Variants in CSMD1 observed in about 807,000 individuals in gnomAD.
CSMD1 encodes the protein CUB and Sushi multiple domains 1.
In CSMD1, 213 loss-of-function variants were observed where a neutral mutation model predicts 417.5. The observed-to-expected ratio is 0.51, with a 90% confidence interval of 0.46 to 0.57. The LOEUF (loss-of-function observed/expected upper bound fraction) is 0.57. Among genes scored for constraint, CSMD1 ranks in the 20% least tolerant of loss-of-function variants. The pLI is 0.00. For missense variants in CSMD1, 6,923 were observed against 4,529.7 expected, an observed-to-expected ratio of 1.53 and a Z score of -15.17; for synonymous variants, 2,862 against 1,736.8, an observed-to-expected ratio of 1.65 and a Z score of -16.11.
chr8:3,851,187 G>C (rs908310365), intron 5 of CSMD1, among the ~76,000 whole-genome samples: 1 of 152,166 alleles, frequency 6.6e-6, no homozygotes, highest in African/African-American at 2.4e-5. Context: ...AGTTTTCAAA[G>C]CATGAGCCTG....
chr8:4,990,557 G>C (rs1044108938), intron 1 of CSMD1, among the ~76,000 whole-genome samples: 1 of 152,068 alleles, frequency 6.6e-6, no homozygotes, highest in African/African-American at 2.4e-5. Flanking sequence ...TAGAGATGGG[G>C]TTTCACTATG....
At chr8:3,510,412 G>C (rs920360768) in intron 10 of CSMD1, among the ~76,000 whole-genome samples, 1 of 151,832 alleles carries the variant, frequency 6.6e-6, no homozygotes, top group South Asian at 2.1e-4. Flanking sequence ...CGCAGGCTCT[G>C]TTGCTGATTT....
chr8:3,781,005 C>G (rs1028919553), intron 5 of CSMD1, among the ~76,000 whole-genome samples: 1 of 152,074 alleles, frequency 6.6e-6, no homozygotes, highest in Non-Finnish European at 1.5e-5. Context: ...TGTGTGACTC[C>G]TTGGAATAAA....
intron 1 of CSMD1, among the ~76,000 whole-genome samples, chr8:4,687,635 AC>A (rs1423601635): frequency 6.6e-6 from 1 of 152,164 alleles, no homozygotes; most frequent in Non-Finnish European, 1.5e-5. Context: ...ATGAAGTGTT[AC>A]TCACAGCTAA....
chr8:3,845,514 C>T (rs1803446067), intron 5 of CSMD1, among the ~76,000 whole-genome samples: 1 of 152,140 alleles, frequency 6.6e-6, no homozygotes, highest in South Asian at 2.1e-4. Context: ...GGGTACTTGC[C>T]ATGAATGGAG....
At position 3,890,065 on chromosome 8, in the gene CSMD1, T is replaced by C. The variant is rs147185354; in HGVS notation, c.818+107838A>G. Reference sequence around the variant, plus strand: ...AAAGTTTCTGAATCCCAATTTATCATTGCATTTGTGTGTTTTTATTTTAGG... The same window carrying C: ...AAAGTTTCTGAATCCCAATTTATCACTGCATTTGTGTGTTTTTATTTTAGG... On this transcript the variant is annotated intron_variant, in intron 5 of 69. Coordinates refer to ENST00000635120, the MANE Select transcript of CSMD1 (RefSeq NM_033225.6). 6.2e-4 allele frequency among the ~76,000 whole-genome samples: 95 copies of C among 152,282 alleles called. No homozygotes were observed. In the Middle Eastern group the frequency reaches 0.01, roughly 16 times the overall value.
At chr8:3,924,115 G>A (rs1809473623) in intron 5 of CSMD1, among the ~76,000 whole-genome samples, 1 of 152,090 alleles carries the variant, frequency 6.6e-6, no homozygotes, top group African/African-American at 2.4e-5. Context: ...TGTTGATGCG[G>A]GAAAATCTGT....
intron 10 of CSMD1, among the ~76,000 whole-genome samples, chr8:3,564,288 C>T (rs7010434): frequency 0.35 from 53,016 of 151,936 alleles, 9,603 homozygotes; most frequent in African/African-American, 0.45. Flanking sequence ...AAAAAAGAAA[C>T]GGAGTAAATC....
intron 51 of CSMD1, among the ~76,000 whole-genome samples, chr8:3,019,706 T>C (rs1181308245): frequency 6.6e-6 from 1 of 152,220 alleles, no homozygotes; most frequent in Non-Finnish European, 1.5e-5. Flanking sequence ...GTGTCCATTT[T>C]CACTCATGAA....
intron 10 of CSMD1, among the ~76,000 whole-genome samples, chr8:3,526,168 G>A (rs1009077498): frequency 6.6e-6 from 1 of 152,028 alleles, no homozygotes; most frequent in Non-Finnish European, 1.5e-5. Flanking sequence ...CAGAAATGTG[G>A]CATATATCAT....
chr8:4,891,562 A>C (rs904601089), intron 1 of CSMD1, among the ~76,000 whole-genome samples: 1 of 152,094 alleles, frequency 6.6e-6, no homozygotes, highest in Non-Finnish European at 1.5e-5. Context: ...AATTCCTAGC[A>C]TCTTGCAATT....
chr8:3,306,795 G>A (rs1027884744), intron 25 of CSMD1, among the ~76,000 whole-genome samples: 2 of 151,644 alleles, frequency 1.3e-5, no homozygotes. Context: ...CTATGGTTTT[G>A]GAGACAGATT....
intron 48 of CSMD1, among the ~76,000 whole-genome samples, chr8:3,088,048 T>A (rs1008356544): frequency 6.6e-6 from 1 of 152,240 alleles, no homozygotes; most frequent in Non-Finnish European, 1.5e-5. Context: ...CATATGGGAT[T>A]TGAATGAAAT....
chr8:4,876,744 T>C (rs1033050129), intron 1 of CSMD1, among the ~76,000 whole-genome samples: 1 of 152,092 alleles, frequency 6.6e-6, no homozygotes, highest in African/African-American at 2.4e-5. Flanking sequence ...GTGTGCTGAG[T>C]GTACCAGTTT....
chr8:2,936,838 C>G lies in CSMD1; in HGVS notation c.*1747G>C, dbSNP rs1359140350. ...CCACATTTGAAGTCCTACATGGAAA[C>G]CTTCAGTACACCAACAGATAAATCA... On this transcript the variant is annotated 3_prime_UTR_variant, in exon 70 of 70. Coordinates refer to ENST00000635120, the MANE Select transcript of CSMD1 (RefSeq NM_033225.6). 1 of 152,174 alleles carries G rather than the reference C, an allele frequency of 6.6e-6. No individual in the cohort carries two copies. The highest frequency in any genetic ancestry group is 2.4e-5 in the African/African-American group (1 of 41,438). The allele number at this position is 152,174 out of a possible 1,614,324, so 9.4% of individuals were successfully genotyped here.
chr8:4,208,308 G>C (rs560017178), intron 3 of CSMD1, among the ~76,000 whole-genome samples: 20 of 152,240 alleles, frequency 1.3e-4, no homozygotes, highest in African/African-American at 4.1e-4. Context: ...AAAAAGACTG[G>C]AGAAGAAATA....
At chr8:3,114,796 T>C (rs1020198845) in intron 42 of CSMD1, among the ~76,000 whole-genome samples, 1 of 152,224 alleles carries the variant, frequency 6.6e-6, no homozygotes, top group Non-Finnish European at 1.5e-5. Context: ...AAAAAATATG[T>C]ATGTAATAAT....
chr8:3,130,864 TA>T (rs1563071910), intron 41 of CSMD1, among the ~76,000 whole-genome samples: 1 of 152,184 alleles, frequency 6.6e-6, no homozygotes, highest in East Asian at 1.9e-4. Context: ...ATCAATGCCC[TA>T]AACATATGTT....
chr8:4,815,428 G>C (rs563695849), intron 1 of CSMD1, among the ~76,000 whole-genome samples: 2 of 152,066 alleles, frequency 1.3e-5, no homozygotes, highest in Non-Finnish European at 2.9e-5. Context: ...GGGCTTATTG[G>C]CTCAAGCCTA....
Sources: allele counts gnomAD v4.1 joint callset (sites outside exome capture counted in the v4.1 genomes callset), GRCh38; gene constraint gnomAD v4.1.1; transcripts MANE v1.5; gene names NCBI Gene and HGNC (gene_info 2026-07-23, HGNC 2026-07-21).